The following AMMECR1L variants were observed in gnomAD, a reference collection of about 807,000 sequenced individuals.
AMMECR1L encodes AMMECR1 like, also known as AMMECR1-like protein.
A neutral mutation model predicts 36.8 loss-of-function variants in AMMECR1L; 4 were observed. The ratio of observed to expected loss-of-function variants is 0.11; its 90% CI spans 0.05 to 0.25. The LOEUF (loss-of-function observed/expected upper bound fraction) is 0.25. Among genes scored for constraint, AMMECR1L ranks in the 10% least tolerant of loss-of-function variants. AMMECR1L has a pLI of 1.00. For missense variants in AMMECR1L, 232 were observed against 392.1 expected (o/e 0.59, Z 3.45); for synonymous variants, 147 against 148.0 (o/e 0.99, Z 0.05).
chr2:127,878,869 T>C (rs1313866915), intron 2 of AMMECR1L, among the ~76,000 whole-genome samples: 3 of 152,232 alleles, frequency 2.0e-5, no homozygotes, highest in Admixed American at 6.5e-5. Context: ...AGATATTTTC[T>C]GCATCAAAAA....
intron 2 of AMMECR1L, among the ~76,000 whole-genome samples, chr2:127,878,433 A>T (rs1463322490): frequency 6.6e-6 from 1 of 152,222 alleles, no homozygotes; most frequent in Non-Finnish European, 1.5e-5. Flanking sequence ...AATAAAATGC[A>T]AAAGCTAAAA....
At chr2:127,875,934 C>T (rs1020147364) in intron 2 of AMMECR1L, among the ~76,000 whole-genome samples, 1 of 152,104 alleles carries the variant, frequency 6.6e-6, no homozygotes, top group Admixed American at 6.5e-5. Flanking sequence ...GCTAGGACTG[C>T]AGGTACACAC....
chr2:127,866,680 C>T (rs1334001908), intron 7 of AMMECR1L, among the ~76,000 whole-genome samples: 1 of 152,232 alleles, frequency 6.6e-6, no homozygotes, highest in Admixed American at 6.5e-5. Flanking sequence ...GGCAGACCTG[C>T]CCTGCTCCAA....
Position 127,885,936 on chromosome 2 carries a change from G to A in AMMECR1L, c.-275C>T, listed in dbSNP as rs1691762118. The A allele has an allele frequency of 8.1e-6, 8 of 990,038 alleles. No homozygotes were observed. The highest frequency in any genetic ancestry group is 9.6e-6 in the Non-Finnish European group (8 of 833,384). The allele number at this position is 990,038 out of a possible 1,614,324, so 61.3% of individuals were successfully genotyped here. On this transcript the variant is annotated 5_prime_UTR_variant, in exon 1 of 8. Coordinates refer to ENST00000272647, the MANE Select transcript of AMMECR1L (RefSeq NM_001199140.2). Reference sequence around the variant, plus strand: ...GAGAAGCTGGCCTGCGGGCGGGCCGGACGCGCTGCGCGGACGGGGCGGGGC... The same window carrying A: ...GAGAAGCTGGCCTGCGGGCGGGCCGAACGCGCTGCGCGGACGGGGCGGGGC...
chr2:127,870,774 G>A (rs1424960447), intron 5 of AMMECR1L, 40 bp downstream of exon 5: 1 of 1,522,760 alleles, frequency 6.6e-7, no homozygotes, highest in East Asian at 2.3e-5. Context: ...GAACCCAAAT[G>A]CAACGAGAGA....
At chr2:127,870,242 G>GA (rs61445138) in intron 5 of AMMECR1L, among the ~76,000 whole-genome samples, 151,587 of 151,960 alleles carry the variant, frequency 1, 75,607 homozygotes, top group Middle Eastern at 1. Flanking sequence ...TTGAACCCAG[G>GA]GGTGGAGGTT....
chr2:127,869,732 A>C lies in AMMECR1L; in HGVS notation c.634-188T>G, dbSNP rs765775588. 6.6e-6 allele frequency among the ~76,000 whole-genome samples: 1 copy of C among 152,186 alleles called. No individual in the cohort carries two copies. Among genetic ancestry groups the C allele is most frequent in the Non-Finnish European group, 1.5e-5 (1 of 68,022 alleles). ...GCCAAAGAAAGTTCTGCTTTTAGGG[A>C]AGGGTCGAGAGTATGTGCAGCCAAC... On this transcript the variant is annotated intron_variant, in intron 5 of 7. Transcript: ENST00000272647. This position sits in a 1 kb window ranked among gnomAD's most constrained non-coding sequence, Gnocchi z 4.7.
Position 127,863,974 on chromosome 2 carries a change from T to TA in AMMECR1L, c.*1119dup, listed in dbSNP as rs915255310. ...AAGATTCCCAGCATGTCAGGCAAGA[T>TA]AAAGGTCCACCTTGTGTAATTACAC... On this transcript the variant is annotated 3_prime_UTR_variant, in exon 8 of 8. Coordinates refer to ENST00000272647, the MANE Select transcript of AMMECR1L (RefSeq NM_001199140.2). The TA allele has an allele frequency of 6.6e-6, 1 of 152,342 alleles. No individual in the cohort carries two copies. The highest frequency in any genetic ancestry group is 6.5e-5 in the Admixed American group (1 of 15,288). 9.4% of individuals were successfully genotyped at this position (152,342 alleles called of 1,614,324 possible).
chr2:127,869,680 A>T lies in AMMECR1L; in HGVS notation c.634-136T>A. The T allele has an allele frequency of 1.4e-6, 1 of 729,124 alleles. No homozygotes were observed. Among genetic ancestry groups the T allele is most frequent in the South Asian group, 1.7e-5 (1 of 58,082 alleles). The allele number at this position is 729,124 out of a possible 1,614,324, so 45.2% of individuals were successfully genotyped here. ...AAGGGAGACCTTCTCGCATTTCATG[A>T]CTAATTCTATCTCAGGAGGTATAGA... is the stretch of plus-strand genomic sequence containing the variant. On this transcript the variant is annotated intron_variant, in intron 5 of 7. Coordinates refer to ENST00000272647, the MANE Select transcript of AMMECR1L (RefSeq NM_001199140.2). This position sits in a 1 kb window ranked among gnomAD's most constrained non-coding sequence, Gnocchi z 4.7.
intron 6 of AMMECR1L, 37 bp from the exon 7 acceptor site, chr2:127,867,033 A>G (rs749677056): frequency 1.1e-5 from 18 of 1,612,702 alleles, no homozygotes; most frequent in South Asian, 2.2e-5. Flanking sequence ...GTCAATGCAC[A>G]TGCAAGAGTA....
Position 127,869,445 on chromosome 2 carries a change from C to T in AMMECR1L, c.724+9G>A. 1 of 1,605,884 alleles carries T rather than the reference C, an allele frequency of 6.2e-7. No homozygotes were observed. The highest frequency in any genetic ancestry group is 8.5e-7 in the Non-Finnish European group (1 of 1,172,470). The stretch of plus-strand genomic sequence containing the variant: ...TACTTGTCATTAAAATCCCATTCAT[C>T]CAACTCACCTTGTTCCTTAGCAACC... On this transcript the variant is annotated intron_variant, in intron 6 of 7. Transcript: ENST00000272647. The surrounding 1 kb of genome is among the most constrained non-coding windows in gnomAD (Gnocchi z 4.7).
At position 127,871,735 on chromosome 2, in the gene AMMECR1L, C is replaced by A. The variant is rs1296162236; in HGVS notation, c.408-376G>T. On this transcript the variant is annotated intron_variant, in intron 3 of 7. Coordinates refer to ENST00000272647, the MANE Select transcript of AMMECR1L (RefSeq NM_001199140.2). This position sits in a 1 kb window ranked among gnomAD's most constrained non-coding sequence, Gnocchi z 4.3. ...ATCCAGGTAGCCATGCTCCCCCGCT[C>A]CGTCTTTCATGATGACACGCCTCAC... 1.3e-5 allele frequency among the ~76,000 whole-genome samples: 2 copies of A among 152,152 alleles called. No individual in the cohort carries two copies. The highest frequency in any genetic ancestry group is 2.9e-5 in the Non-Finnish European group (2 of 68,034).
At position 127,885,531 on chromosome 2, in the gene AMMECR1L, AGCCGAGCCTCGCG is replaced by A. The variant is rs1005088017; in HGVS notation, c.-149+266_-149+278del. 4 of 983,504 alleles carry A rather than the reference AGCCGAGCCTCGCG, an allele frequency of 4.1e-6. No individual in the cohort carries two copies. The African/African-American group carries it at 7.1e-5, about 17-fold the overall frequency. 60.9% of individuals were successfully genotyped at this position (983,504 alleles called of 1,614,324 possible). A position where few individuals can be genotyped will look rare whatever the true frequency, so the allele number is the denominator to read the frequency against. On this transcript the variant is annotated intron_variant, in intron 1 of 7. Transcript: ENST00000272647. The stretch of plus-strand genomic sequence containing the variant: ...AGTGCAGACAAGGACCAGGAGCGGG[AGCCGAGCCTCGCG>A]GCCCGGGGCACGGCGCCGCCCGCCC...
chr2:127,867,770 CAGGAAGAGGAAG>C (rs542463591), intron 6 of AMMECR1L, among the ~76,000 whole-genome samples: 1 of 151,508 alleles, frequency 6.6e-6, no homozygotes, highest in Non-Finnish European at 1.5e-5. Flanking sequence ...AAGGGAAAGA[CAGGAAGAGGAAG>C]AGGAAGAGGA....
rs1690540781 is a variant in AMMECR1L, at chr2:127,863,249, G to A, written c.*1845C>T. 6.5e-6 allele frequency: 1 copy of A among 152,730 alleles called. No homozygotes were observed. Among genetic ancestry groups the A allele is most frequent in the Non-Finnish European group, 1.5e-5 (1 of 68,058 alleles). 9.5% of individuals were successfully genotyped at this position (152,730 alleles called of 1,614,324 possible). On this transcript the variant is annotated 3_prime_UTR_variant, in exon 8 of 8. Transcript: ENST00000272647. ...ACAAGACATTTATTCTCAGCAGCAG[G>A]AAATCACGAAACGACCCCTCCATCT...
chr2:127,871,020 C>T lies in AMMECR1L; in HGVS notation c.519-92G>A. ...AGCCCACATATTTATGAATCTTGAG[C>T]TATGCAGAGAGTATCTATTGTTCAT... On this transcript the variant is annotated intron_variant, in intron 4 of 7. Transcript: ENST00000272647. The surrounding 1 kb of genome is among the most constrained non-coding windows in gnomAD (Gnocchi z 4.3). 2 of 1,036,962 alleles carry T rather than the reference C, an allele frequency of 1.9e-6. No homozygotes were observed. Among genetic ancestry groups the T allele is most frequent in the Non-Finnish European group, 2.8e-6 (2 of 707,814 alleles). The allele number at this position is 1,036,962 out of a possible 1,614,324, so 64.2% of individuals were successfully genotyped here.
chr2:127,871,231 AATG>A lies in AMMECR1L; in HGVS notation c.518+15_518+17del. On this transcript the variant is annotated intron_variant, in intron 4 of 7. Transcript: ENST00000272647. The surrounding 1 kb of genome is among the most constrained non-coding windows in gnomAD (Gnocchi z 4.3). ...TCTAGCCAATTTATCTACAGTTCTT[AATG>A]TCTGGTGTCATTACCTGGTTAACGT... 6.2e-7 allele frequency: 1 copy of A among 1,610,814 alleles called. No individual in the cohort carries two copies.
intron 6 of AMMECR1L, among the ~76,000 whole-genome samples, chr2:127,867,561 A>G (rs1029508608): frequency 3.3e-5 from 5 of 152,114 alleles, no homozygotes; most frequent in African/African-American, 9.7e-5. Context: ...AGCCTAGGCA[A>G]TATGGTTAAA....
rs1691081091 is a variant in AMMECR1L, at chr2:127,873,445, C to T, written c.407+383G>A. 3.0e-6 allele frequency: 3 copies of T among 985,346 alleles called. No homozygotes were observed. Among genetic ancestry groups the T allele is most frequent in the African/African-American group, 3.5e-5 (2 of 57,254 alleles). 61.0% of individuals were successfully genotyped at this position (985,346 alleles called of 1,614,324 possible). ...TGAATGAGAGCTCCTAGTCTCCAGC[C>T]TGGCCCTCAGACTTCCAACTCACCT... On this transcript the variant is annotated intron_variant, in intron 3 of 7. Coordinates refer to ENST00000272647, the MANE Select transcript of AMMECR1L (RefSeq NM_001199140.2). This position sits in a 1 kb window ranked among gnomAD's most constrained non-coding sequence, Gnocchi z 5.2.
Sources: gnomAD v4.1 joint callset for allele counts (sites outside exome capture counted in the v4.1 genomes callset) on GRCh38, gnomAD v4.1.1 for gene constraint, Gnocchi (gnomAD v3.1) non-coding constraint, MANE v1.5 for transcripts, NCBI Gene and HGNC (gene_info 2026-07-23, HGNC 2026-07-21) for gene names.